MAN1A2: variants seen among roughly 807,000 people sequenced by gnomAD.
The protein encoded by MAN1A2 is mannosyl-oligosaccharide 1,2-alpha-mannosidase IB.
Under a neutral mutation model 75.7 loss-of-function variants are expected in MAN1A2, and 26 were observed. That is an observed-to-expected ratio of 0.34 (90% CI 0.25 to 0.48). MAN1A2 has a LOEUF of 0.48. Ranked by LOEUF, MAN1A2 falls within the 20% of genes least tolerant of loss-of-function variation. The pLI, the probability that MAN1A2 is intolerant of heterozygous loss-of-function variation, is 0.99. For missense variants in MAN1A2, 562 were observed against 775.5 expected (o/e 0.72, Z 3.27); for synonymous variants, 247 against 264.6 (o/e 0.93, Z 0.65).
At chr1:117,376,795 T>C (rs147064736) in intron 1 of MAN1A2, among the ~76,000 whole-genome samples, 1 of 152,330 alleles carries the variant, frequency 6.6e-6, no homozygotes, top group Non-Finnish European at 1.5e-5. Context: ...GATGATTGTG[T>C]CTGTACTGAA....
rs970351056 is a variant in MAN1A2 at position 117,421,576 on chromosome 1, C to A, written c.855+927C>A. 7.9e-5 allele frequency among the ~76,000 whole-genome samples: 12 copies of A among 151,130 alleles called. 1 individual carries two copies. The highest frequency in any genetic ancestry group is 6.8e-3 in the Middle Eastern group (2 of 292). ...TTTATATACTTTTATCTATATATTTCATTTATTGTTGTTCCTTTGTGTGTA... is the reference window on the plus strand; with the variant it reads ...TTTATATACTTTTATCTATATATTTAATTTATTGTTGTTCCTTTGTGTGTA... On this transcript the variant is annotated intron_variant, in intron 5 of 12. Transcript: ENST00000356554.
chr1:117,512,211 T>C (rs1167023017), intron 12 of MAN1A2, among the ~76,000 whole-genome samples: 1 of 152,094 alleles, frequency 6.6e-6, no homozygotes, highest in Non-Finnish European at 1.5e-5. Flanking sequence ...AAGCTGAGGA[T>C]GTCAGGGCTG....
Position 117,469,280 on chromosome 1 carries a change from T to C in MAN1A2, c.1168+2853T>C, listed in dbSNP as rs1043190274. On this transcript the variant is annotated intron_variant, in intron 8 of 12. Transcript: ENST00000356554. ...GTGAAAAATAATGAAGTTGAACCCT[T>C]ACTCTATATTATCTACAAAAATTAA... is the stretch of plus-strand genomic sequence containing the variant. Among the ~76,000 whole-genome samples the C allele has an allele frequency of 2.6e-5, 4 of 152,114 alleles. No individual in the cohort carries two copies. In the East Asian group the frequency reaches 7.7e-4, roughly 29 times the overall value.
At chr1:117,501,603 A>G (rs1570796347) in intron 11 of MAN1A2, among the ~76,000 whole-genome samples, 1 of 151,892 alleles carries the variant, frequency 6.6e-6, no homozygotes, top group East Asian at 1.9e-4. Context: ...GTGGTGGTGA[A>G]GACACATGAT....
intron 5 of MAN1A2, among the ~76,000 whole-genome samples, chr1:117,423,885 C>CTT (rs568455134): frequency 7.1e-6 from 1 of 141,006 alleles, no homozygotes; most frequent in Non-Finnish European, 1.5e-5. Flanking sequence ...TTCTTTCTTT[C>CTT]TTTTTTTTTT....
At position 117,496,902 on chromosome 1, in the gene MAN1A2, C is replaced by G. The variant is rs1389431631; in HGVS notation, c.1424C>G (p.Ser475Cys). The G allele has an allele frequency of 6.2e-7, 1 of 1,612,484 alleles. No homozygotes were observed. Among genetic ancestry groups the G allele is most frequent in the East Asian group, 2.2e-5 (1 of 44,700 alleles). The change falls in exon 10 of 13, where the codon TCC (serine) becomes TGC (cysteine). Residue 475 changes from serine to cysteine, a missense_variant. Physicochemically the swap from Ser to Cys is moderately radical, Grantham distance 112 (BLOSUM62 -1). Around this residue, in one of 2 missense-constraint regions of MAN1A2, gnomAD observed 434 missense variants for 645.7 expected, o/e 0.67. Coordinates refer to ENST00000356554, the MANE Select transcript of MAN1A2 (RefSeq NM_006699.5). ...ATGTTTGCACTAGGAGCAGATGGTT[C>G]CAGAGCAGATAAAGCTGGTCATTAT... is the stretch of plus-strand genomic sequence containing the variant. ...GGMFALGADG[S>C]RADKAGHYLE...
At chr1:117,412,281 G>A (rs1197762765) in intron 3 of MAN1A2, among the ~76,000 whole-genome samples, 3 of 151,498 alleles carry the variant, frequency 2.0e-5, no homozygotes, top group Admixed American at 2.0e-4. Context: ...CAAATTTATT[G>A]TGAATATATG....
intron 1 of MAN1A2, among the ~76,000 whole-genome samples, chr1:117,370,124 ACAGT>A (rs1652910579): frequency 6.6e-6 from 1 of 152,250 alleles, no homozygotes; most frequent in African/African-American, 2.4e-5. Context: ...CACATTTTTA[ACAGT>A]CTGTATAAAT....
At chr1:117,442,949 A>G (rs1219655671) in intron 6 of MAN1A2, among the ~76,000 whole-genome samples, 1 of 152,212 alleles carries the variant, frequency 6.6e-6, no homozygotes, top group Admixed American at 6.5e-5. Context: ...GGACAACTTT[A>G]TAAATTATGT....
intron 1 of MAN1A2, 65 bp from the exon 2 acceptor site, chr1:117,402,121 A>G (rs536901012): frequency 4.1e-6 from 6 of 1,476,850 alleles, no homozygotes; most frequent in East Asian, 2.3e-5. Flanking sequence ...TTTATGTTTT[A>G]TATTTAAAGG....
chr1:117,521,048 A>G (rs558358851), intron 12 of MAN1A2, among the ~76,000 whole-genome samples: 1 of 150,926 alleles, frequency 6.6e-6, no homozygotes, highest in East Asian at 1.9e-4. Context: ...GACAAAGCAA[A>G]CAAACAAAGT....
intron 1 of MAN1A2, among the ~76,000 whole-genome samples, chr1:117,369,312 T>G (rs1652874814): frequency 1.3e-5 from 2 of 152,206 alleles, no homozygotes; most frequent in Non-Finnish European, 2.9e-5. Context: ...GGAGCTCTAG[T>G]TACAATTTTT....
At chr1:117,457,019 T>C (rs1389690437) in intron 6 of MAN1A2, among the ~76,000 whole-genome samples, 2 of 152,148 alleles carry the variant, frequency 1.3e-5, no homozygotes, top group Non-Finnish European at 2.9e-5. Flanking sequence ...GTTTGCAAGC[T>C]TTGTTTCTAA....
intron 5 of MAN1A2, among the ~76,000 whole-genome samples, chr1:117,435,791 C>T (rs752090954): frequency 3.3e-5 from 5 of 152,184 alleles, no homozygotes; most frequent in Non-Finnish European, 7.3e-5. Flanking sequence ...TGCGCGGTGG[C>T]TCATGCCTGT....
At chr1:117,410,883 G>A (rs1332914801) in intron 3 of MAN1A2, among the ~76,000 whole-genome samples, 3 of 151,738 alleles carry the variant, frequency 2.0e-5, no homozygotes, top group Non-Finnish European at 4.4e-5. Context: ...AGAACTATAT[G>A]TGTATAAATT....
At chr1:117,454,445 A>T (rs150646432) in intron 6 of MAN1A2, among the ~76,000 whole-genome samples, 2 of 152,220 alleles carry the variant, frequency 1.3e-5, no homozygotes, top group African/African-American at 4.8e-5. Flanking sequence ...TAAGCAATAC[A>T]ATCCAGAAAA....
At chr1:117,442,489 A>C (rs1008142167) in intron 6 of MAN1A2, among the ~76,000 whole-genome samples, 164 bp downstream of exon 6, 5 of 152,076 alleles carry the variant, frequency 3.3e-5, no homozygotes, top group African/African-American at 1.2e-4. Context: ...GTGTTTCTTT[A>C]AAACATTTTC....
intron 12 of MAN1A2, among the ~76,000 whole-genome samples, chr1:117,522,367 C>T (rs1391078305): frequency 6.6e-6 from 1 of 151,848 alleles, no homozygotes; most frequent in Non-Finnish European, 1.5e-5. Flanking sequence ...CTAAAATAGA[C>T]CACCTCAGTA....
chr1:117,402,259 T>A lies in MAN1A2; in HGVS notation c.376T>A (p.Leu126Ile). 6.2e-7 allele frequency: 1 copy of A among 1,613,392 alleles called. No individual in the cohort carries two copies. The highest frequency in any genetic ancestry group is 1.3e-5 in the African/African-American group (1 of 74,878). Reference sequence around the variant, plus strand: ...GGCCTTGGAAGAAGCAAAAGAAAAATTAAGAAAGTCAAGAGAGGAAATTCG... The same window carrying A: ...GGCCTTGGAAGAAGCAAAAGAAAAAATAAGAAAGTCAAGAGAGGAAATTCG... ...EKALEEAKEKLRKSREEIRAE... is the reference protein window; with the variant it reads ...EKALEEAKEKIRKSREEIRAE... The change falls in exon 2 of 13, where the codon TTA becomes ATA. Residue 126 changes from leucine to isoleucine, a missense_variant. Leu to Ile is a conservative substitution (Grantham distance 5). Coordinates refer to ENST00000356554, the MANE Select transcript of MAN1A2 (RefSeq NM_006699.5).
Sources: gnomAD v4.1 joint callset for allele counts (sites outside exome capture counted in the v4.1 genomes callset) on GRCh38, gnomAD v4.1.1 for gene constraint, gnomAD v4.1.1 regional missense constraint, MANE v1.5 for transcripts, NCBI Gene and HGNC (gene_info 2026-07-23, HGNC 2026-07-21) for gene names.